UNC45B: variants seen among roughly 807,000 people sequenced by gnomAD.
UNC45B encodes protein unc-45 homolog B.
Under a neutral mutation model 98.7 loss-of-function variants are expected in UNC45B, and 78 were observed. The observed-to-expected ratio is 0.79, with a 90% CI of 0.66 to 0.95. The LOEUF (loss-of-function observed/expected upper bound fraction) is 0.95, where lower values mean the gene tolerates loss of function less well. Among genes scored for constraint, UNC45B ranks in the 40% least tolerant of loss-of-function variants. The pLI, the probability that UNC45B is intolerant of heterozygous loss-of-function variation, is 0.00. For synonymous variants in UNC45B, 462 were observed against 480.4 expected, an observed-to-expected ratio of 0.96 and a Z score of 0.50; for missense variants, 1,225 against 1,184.9, an observed-to-expected ratio of 1.03 and a Z score of -0.50.
At chr17:35,177,210 C>T in intron 16 of UNC45B, 80 bp downstream of exon 16, 7 of 1,323,006 alleles carry the variant, frequency 5.3e-6, no homozygotes, top group Non-Finnish European at 7.4e-6. Flanking sequence ...GTCATTCTAC[C>T]TCGAGCCTGG....
chr17:35,164,053 CCT>C lies in UNC45B; in HGVS notation c.1039_1040del (p.Leu347AspfsTer2). ...QVPDLPSCLPLTDNTRMLASI... is the reference protein window; with the variant it reads ...QVPDLPSCLPXTDNTRMLASI... ...TTCCAGATCTGCCATCCTGCCTGCC[CCT>C]GACTGACAACACCCGCATGCTGGCC... is the stretch of plus-strand genomic sequence containing the variant. On this transcript the variant is annotated frameshift_variant, in exon 9 of 20. Transcript: ENST00000394570. LOFTEE classifies it high-confidence loss of function. The C allele has an allele frequency of 6.2e-7, 1 of 1,613,970 alleles. No homozygotes were observed. Among genetic ancestry groups the C allele is most frequent in the South Asian group, 1.1e-5 (1 of 91,060 alleles).
At chr17:35,161,912 A>T (rs868237578) in intron 8 of UNC45B, among the ~76,000 whole-genome samples, 12 of 150,804 alleles carry the variant, frequency 8.0e-5, no homozygotes, top group South Asian at 4.2e-4. Flanking sequence ...GCCTCTATTT[A>T]AAAAAAATCC....
intron 5 of UNC45B, among the ~76,000 whole-genome samples, chr17:35,154,164 T>C (rs2092041386): frequency 6.6e-6 from 1 of 152,144 alleles, no homozygotes; most frequent in South Asian, 2.1e-4. Flanking sequence ...ATCAACAAAA[T>C]GTTTAAGGAA....
chr17:35,170,606 C>T (rs768945801), intron 12 of UNC45B, among the ~76,000 whole-genome samples: 4 of 147,698 alleles, frequency 2.7e-5, no homozygotes, highest in Non-Finnish European at 4.4e-5. Context: ...GAGGCTGAGG[C>T]GGGCGGATGG....
At chr17:35,166,412 T>C (rs1267943152) in intron 9 of UNC45B, among the ~76,000 whole-genome samples, 1 of 152,220 alleles carries the variant, frequency 6.6e-6, no homozygotes, top group Non-Finnish European at 1.5e-5. Context: ...GTTTCAACTT[T>C]TCCTGCTGAC....
At chr17:35,172,577 G>A (rs2092195528) in intron 13 of UNC45B, among the ~76,000 whole-genome samples, 1 of 152,172 alleles carries the variant, frequency 6.6e-6, no homozygotes, top group Non-Finnish European at 1.5e-5. Context: ...GCTGCATGAT[G>A]TTTCATCCAG....
At chr17:35,167,921 G>T in intron 9 of UNC45B, 140 bp from the exon 10 acceptor site, 1 of 651,006 alleles carries the variant, frequency 1.5e-6, no homozygotes. Flanking sequence ...GGCTCAGAGA[G>T]GTTCGCTGAA....
In UNC45B at chr17:35,171,479, C is replaced by G; in HGVS notation, c.1830+17C>G. 1 of 1,612,946 alleles carries G rather than the reference C, an allele frequency of 6.2e-7. No individual in the cohort carries two copies. On this transcript the variant is annotated intron_variant, in intron 13 of 19. Coordinates refer to ENST00000394570, the MANE Select transcript of UNC45B (RefSeq NM_001267052.2). The stretch of plus-strand genomic sequence containing the variant: ...CACCCCAAGGTAGGGTCAGGCGCGA[C>G]CCGGGAGGGGTCTGGTCTGTGCCAC...
intron 9 of UNC45B, among the ~76,000 whole-genome samples, chr17:35,166,346 C>T (rs2092141202): frequency 1.3e-5 from 2 of 152,136 alleles, no homozygotes; most frequent in South Asian, 2.1e-4. Context: ...GGCTTCTGCT[C>T]ACCCTGACTT....
chr17:35,158,340 G>A (rs2092078187), intron 7 of UNC45B, among the ~76,000 whole-genome samples: 1 of 152,194 alleles, frequency 6.6e-6, no homozygotes, highest in Non-Finnish European at 1.5e-5. Context: ...TGTTGATCTT[G>A]TGGCCTTGCT....
Position 35,171,417 on chromosome 17 carries a change from G to C in UNC45B, c.1785G>C (p.Gln595His), listed in dbSNP as rs369088875. The change falls in exon 13 of 20, where the codon CAG (glutamine) becomes CAC (histidine). Residue 595 changes from glutamine (Q) to histidine (H), a missense_variant. Transcript: ENST00000394570. ...DVKEVIPELV[Q>H]LAKFSKQHVP... ...AGGAGGTCATCCCAGAGCTTGTCCAGCTCGCCAAGTTCTCCAAGCAGCATG... is the reference window on the plus strand; with the variant it reads ...AGGAGGTCATCCCAGAGCTTGTCCACCTCGCCAAGTTCTCCAAGCAGCATG... 15 of 1,614,026 alleles carry C rather than the reference G, an allele frequency of 9.3e-6. No individual in the cohort carries two copies. The African/African-American group carries it at 2.0e-4, about 22-fold the overall frequency.
chr17:35,180,804 C>T, intron 18 of UNC45B, 128 bp downstream of exon 18: 1 of 617,504 alleles, frequency 1.6e-6, no homozygotes, highest in Non-Finnish European at 2.8e-6. Context: ...GCAGAAAATC[C>T]AGGAATCCCT....
chr17:35,164,547 C>A (rs8066911), intron 9 of UNC45B: 59,611 of 159,414 alleles, frequency 0.37, 11,235 homozygotes, highest in Middle Eastern at 0.44. Flanking sequence ...AGAGCCAAGA[C>A]AGAGCAAGGC....
chr17:35,159,321 A>G, intron 7 of UNC45B, 54 bp from the exon 8 acceptor site: 2 of 1,518,012 alleles, frequency 1.3e-6, no homozygotes, highest in Non-Finnish European at 1.8e-6. Context: ...TCTTGGTCAT[A>G]TATATGTGAG....
At position 35,182,144 on chromosome 17, in the gene UNC45B, C is replaced by T. The variant is rs531972229; in HGVS notation, c.2374-1283C>T. On this transcript the variant is annotated intron_variant, in intron 18 of 19. Transcript: ENST00000394570. ...TGGCTCTGTCACCCAGGGTAGAGTGCAGTGGTGTGATCTTAGCTCACTGCA... is the reference window on the plus strand; with the variant it reads ...TGGCTCTGTCACCCAGGGTAGAGTGTAGTGGTGTGATCTTAGCTCACTGCA... Among the ~76,000 whole-genome samples the T allele has an allele frequency of 6.7e-5, 10 of 149,128 alleles. No homozygotes were observed. The Admixed American group carries it at 6.7e-4, about 10-fold the overall frequency.
chr17:35,154,789 AGG>A, intron 6 of UNC45B, 48 bp downstream of exon 6: 1 of 1,508,336 alleles, frequency 6.6e-7, no homozygotes, highest in Non-Finnish European at 8.8e-7. Flanking sequence ...TGCTGGTCCA[AGG>A]ATCCGGAGGG....
At chr17:35,173,094 A>T (rs1158836936) in intron 13 of UNC45B, among the ~76,000 whole-genome samples, 1 of 149,684 alleles carries the variant, frequency 6.7e-6, no homozygotes, top group Non-Finnish European at 1.5e-5. Flanking sequence ...ACATTGCCAC[A>T]CGCACTGTGG....
In UNC45B at chr17:35,150,156, C is replaced by T; in HGVS notation, c.314C>T (p.Thr105Ile). 1 of 1,613,778 alleles carries T rather than the reference C, an allele frequency of 6.2e-7. No homozygotes were observed. The highest frequency in any genetic ancestry group is 1.1e-5 in the South Asian group (1 of 91,012). ...TTCAAAGACGTGCAGCGTTGTGCCA[C>T]CCTCGAGCCACGGAACCAGAACTTC... ...QAFKDVQRCA[T>I]LEPRNQNFQE... The change falls in exon 4 of 20, where the codon ACC (threonine) becomes ATC (isoleucine). Residue 105 changes from threonine to isoleucine, a missense_variant. By Grantham distance (89) the Thr-to-Ile change is moderately conservative (BLOSUM62 -1). Transcript: ENST00000394570.
At chr17:35,164,326 G>A in intron 9 of UNC45B, 160 bp downstream of exon 9, 1 of 783,002 alleles carries the variant, frequency 1.3e-6, no homozygotes, top group East Asian at 3.2e-5. Flanking sequence ...TCTGGCTTAT[G>A]GTCTTTCATG....
Sources: allele counts gnomAD v4.1 joint callset (sites outside exome capture counted in the v4.1 genomes callset), GRCh38; gene constraint gnomAD v4.1.1; transcripts MANE v1.5; gene names NCBI Gene and HGNC (gene_info 2026-07-23, HGNC 2026-07-21).